Variants in EPPIN observed in about 807,000 individuals in gnomAD.
EPPIN encodes WAP four-disulfide core domain protein 7.
Under a neutral mutation model 18.8 loss-of-function variants are expected in EPPIN, and 14 were observed. The observed-to-expected ratio is 0.75, with a 90% CI of 0.49 to 1.17. EPPIN has a LOEUF of 1.17. EPPIN is among the 50% of genes most tolerant of loss of function. The pLI, the probability that EPPIN is intolerant of heterozygous loss-of-function variation, is 0.00. For missense variants in EPPIN, 143 were observed against 154.2 expected, an observed-to-expected ratio of 0.93 and a Z score of 0.39; for synonymous variants, 57 against 54.8, an observed-to-expected ratio of 1.04 and a Z score of -0.18.
Position 45,542,763 on chromosome 20 carries a change from A to C in EPPIN, c.328T>G (p.Cys110Gly). 1 of 1,614,028 alleles carries C rather than the reference A, an allele frequency of 6.2e-7. No individual in the cohort carries two copies. Among genetic ancestry groups the C allele is most frequent in the South Asian group, 1.1e-5 (1 of 91,074 alleles). The change falls in exon 3 of 4, where the codon TGC becomes GGC. Residue 110 changes from cysteine to glycine, a missense_variant. Cys to Gly is a radical substitution (Grantham distance 159). Coordinates refer to ENST00000354280, the MANE Select transcript of EPPIN (RefSeq NM_020398.4). ...TGGAAGTTGTTATTGTTTCCCTGGC[A>C]GCCACCATAGACAAACATGGAGCAA... ...NTCSMFVYGG[C>G]QGNNNNFQSK...
At chr20:45,546,870 C>G (rs1230757271) in intron 1 of EPPIN, among the ~76,000 whole-genome samples, 1 of 152,102 alleles carries the variant, frequency 6.6e-6, no homozygotes, top group Admixed American at 6.5e-5. Context: ...GATACAGGGA[C>G]ACTTTATGGG....
chr20:45,543,124 C>T (rs1229524565), intron 2 of EPPIN: 2 of 434,486 alleles, frequency 4.6e-6, no homozygotes, highest in African/African-American at 4.1e-5. Context: ...AGGGTGGGCC[C>T]CTATACCAAT....
At chr20:45,543,767 A>T (rs1174251189) in intron 2 of EPPIN, 1 of 152,520 alleles carries the variant, frequency 6.6e-6, no homozygotes, top group Non-Finnish European at 1.5e-5. Context: ...ATGACCCACA[A>T]GGCCCTTCAT....
chr20:45,541,665 T>C lies in EPPIN; in HGVS notation c.*479A>G, dbSNP rs556383784. On this transcript the variant is annotated 3_prime_UTR_variant, in exon 4 of 4. Transcript: ENST00000354280. Reference sequence around the variant, plus strand: ...CTTGGGCCCTTGCCTAAAAAGGGTTTTACAATCTTTTGTAGAAACAGAGGA... The same window carrying C: ...CTTGGGCCCTTGCCTAAAAAGGGTTCTACAATCTTTTGTAGAAACAGAGGA... The C allele has an allele frequency of 6.4e-6, 1 of 155,444 alleles. No individual in the cohort carries two copies. The highest frequency in any genetic ancestry group is 1.4e-5 in the Non-Finnish European group (1 of 69,910). The allele number at this position is 155,444 out of a possible 1,614,324, so 9.6% of individuals were successfully genotyped here. A position where few individuals can be genotyped will look rare whatever the true frequency, so the allele number is the denominator to read the frequency against.
Position 45,540,920 on chromosome 20 carries a change from A to G in EPPIN, c.*1224T>C, listed in dbSNP as rs2145547419. ...TGACCCAGCAATCCCATTACTGGGT[A>G]TACACTCAAAGGAATATAAATCATT... On this transcript the variant is annotated 3_prime_UTR_variant, in exon 4 of 4. Coordinates refer to ENST00000354280, the MANE Select transcript of EPPIN (RefSeq NM_020398.4). 6.6e-6 allele frequency: 1 copy of G among 152,352 alleles called. No individual in the cohort carries two copies. Among genetic ancestry groups the G allele is most frequent in the African/African-American group, 2.4e-5 (1 of 41,576 alleles). 9.4% of individuals were successfully genotyped at this position (152,352 alleles called of 1,614,324 possible). A position where few individuals can be genotyped will look rare whatever the true frequency, so the allele number is the denominator to read the frequency against.
intron 1 of EPPIN, among the ~76,000 whole-genome samples, chr20:45,546,873 T>A (rs1203210787): frequency 6.6e-6 from 1 of 152,138 alleles, no homozygotes; most frequent in Non-Finnish European, 1.5e-5. Context: ...ACAGGGACAC[T>A]TTATGGGACT....
At chr20:45,545,883 G>GC in intron 1 of EPPIN, 113 bp from the exon 2 acceptor site, 2 of 1,506,652 alleles carry the variant, frequency 1.3e-6, no homozygotes, top group South Asian at 2.6e-5. Context: ...CAGTTTGCTT[G>GC]CCCCCAGGAG....
In EPPIN at chr20:45,542,083, A is replaced by G. The variant is rs1979616624; in HGVS notation, c.*61T>C. On this transcript the variant is annotated 3_prime_UTR_variant, in exon 4 of 4. Transcript: ENST00000354280. ...CCAGTCTGGAGCATCCGTCAGGTACAGGAACAGTACTCAGAGCATGAGCCA... is the reference window on the plus strand; with the variant it reads ...CCAGTCTGGAGCATCCGTCAGGTACGGGAACAGTACTCAGAGCATGAGCCA... 3.7e-6 allele frequency: 6 copies of G among 1,606,628 alleles called. No homozygotes were observed. Among genetic ancestry groups the G allele is most frequent in the Admixed American group, 1.7e-5 (1 of 59,144 alleles).
At position 45,545,657 on chromosome 20, in the gene EPPIN, A is replaced by T. The variant is rs772872138; in HGVS notation, c.205T>A (p.Cys69Ser). ...KCCVFSCGKKCLDLKQDVCEM... is the reference protein window; with the variant it reads ...KCCVFSCGKKSLDLKQDVCEM... ...ATATTACCTTGTTTGAGATCTAAAC[A>T]TTTTTTTCCGCAGCTGAAGACACAA... is the stretch of plus-strand genomic sequence containing the variant. Residue 69 changes from cysteine to serine, a missense_variant, in exon 2 of 4, where the codon TGT becomes AGT. Cys to Ser is a moderately radical substitution (Grantham distance 112). Transcript: ENST00000354280. The T allele has an allele frequency of 1.2e-6, 2 of 1,613,878 alleles. No individual in the cohort carries two copies. The highest frequency in any genetic ancestry group is 2.2e-5 in the South Asian group (2 of 91,054).
At chr20:45,542,646 G>C (rs1003710659) in intron 3 of EPPIN, 54 bp downstream of exon 3, 5 of 1,579,288 alleles carry the variant, frequency 3.2e-6, no homozygotes, top group Admixed American at 3.7e-5. Flanking sequence ...CCAACACCCA[G>C]ACCTCCCGGC....
At chr20:45,546,276 T>G (rs1979831478) in intron 1 of EPPIN, 1 of 161,298 alleles carries the variant, frequency 6.2e-6, no homozygotes, top group Admixed American at 6.4e-5. Context: ...GGTGGTAGTA[T>G]TATACAGCAA....
In EPPIN at chr20:45,545,767, C is replaced by A. The variant is rs780515330; in HGVS notation, c.95G>T (p.Arg32Ile). 6 of 1,613,892 alleles carry A rather than the reference C, an allele frequency of 3.7e-6. No homozygotes were observed. In the African/African-American group the frequency reaches 4.0e-5, roughly 11 times the overall value. ...PGLTDWLFPRRCPKIREECEF... is the reference protein window; with the variant it reads ...PGLTDWLFPRICPKIREECEF... ...ACATTCTTCTCTGATTTTGGGACAT[C>A]TCCCTAGGGAAAGAGCGGTTTTACA... Residue 32 changes from arginine to isoleucine, a missense_variant, in exon 2 of 4, where the codon AGA becomes ATA. By Grantham distance (97) the Arg-to-Ile change is moderately conservative (BLOSUM62 -3). Coordinates refer to ENST00000354280, the MANE Select transcript of EPPIN (RefSeq NM_020398.4).
chr20:45,545,610 G>T (rs2231833), intron 2 of EPPIN, 29 bp downstream of exon 2: 26,659 of 1,613,534 alleles, frequency 0.017, 1,088 homozygotes, highest in Admixed American at 0.11. Flanking sequence ...GGGAGGAGGG[G>T]TTGGTTATTC....
chr20:45,545,945 C>G, intron 1 of EPPIN, 175 bp from the exon 2 acceptor site: 2 of 918,912 alleles, frequency 2.2e-6, no homozygotes, highest in Non-Finnish European at 3.2e-6. Flanking sequence ...ACACCCCCAC[C>G]ACTCCCCAGT....
At chr20:45,546,045 C>T in intron 1 of EPPIN, 4 of 491,660 alleles carry the variant, frequency 8.1e-6, no homozygotes, top group Non-Finnish European at 1.1e-5. Flanking sequence ...CTGGATAATT[C>T]TTTGTTTGGG....
In EPPIN at chr20:45,544,831, A is replaced by C. The variant is rs1979753241; in HGVS notation, c.223+808T>G. On this transcript the variant is annotated intron_variant, in intron 2 of 3. Transcript: ENST00000354280. ...TGGCCCACCATACCTGAATTGTTTG[A>C]TCTCTGCCCACCCAGAATCTGTTTT... 2.6e-5 allele frequency: 4 copies of C among 151,702 alleles called. 1 individual carries two copies. In the South Asian group the frequency reaches 8.4e-4, roughly 32 times the overall value. The allele number at this position is 151,702 out of a possible 1,614,324, so 9.4% of individuals were successfully genotyped here.
In EPPIN at chr20:45,541,093, AAG is replaced by A. The variant is rs1426087390; in HGVS notation, c.*1049_*1050del. On this transcript the variant is annotated 3_prime_UTR_variant, in exon 4 of 4. Coordinates refer to ENST00000354280, the MANE Select transcript of EPPIN (RefSeq NM_020398.4). ...CCATGGAATACTATGCAGCCATAAA[AAG>A]AAATGAGATCACGTCCTTTGCAGGG... The A allele has an allele frequency of 6.6e-6, 1 of 152,254 alleles. No homozygotes were observed. The highest frequency in any genetic ancestry group is 1.9e-4 in the East Asian group (1 of 5,202). 9.4% of individuals were successfully genotyped at this position (152,254 alleles called of 1,614,324 possible).
intron 2 of EPPIN, chr20:45,543,141 G>A (rs1979675102): frequency 5.5e-6 from 2 of 363,606 alleles, no homozygotes; most frequent in Non-Finnish European, 9.7e-6. Flanking sequence ...CAATATGACT[G>A]GTGTCCTTAT....
rs370174917 is a variant in EPPIN, at chr20:45,547,318, C to A, written c.40G>T (p.Val14Phe). Reference protein sequence around the residue: ...SGLLSLLVLFVLLANVQGPGL... With the variant: ...SGLLSLLVLFFLLANVQGPGL... ...GGTCCCTGGACATTCGCTAAGAGGACGAATAGCACCAGGAGGCTCAAAAGT... is the reference window on the plus strand; with the variant it reads ...GGTCCCTGGACATTCGCTAAGAGGAAGAATAGCACCAGGAGGCTCAAAAGT... The change falls in exon 1 of 4, where the codon GTC becomes TTC. Residue 14 changes from valine to phenylalanine, a missense_variant. Coordinates refer to ENST00000354280, the MANE Select transcript of EPPIN (RefSeq NM_020398.4). 2.4e-4 allele frequency: 386 copies of A among 1,613,896 alleles called. 4 individuals are homozygous for A. The South Asian group carries it at 4.1e-3, about 17-fold the overall frequency.
Sources: allele counts gnomAD v4.1 joint callset (sites outside exome capture counted in the v4.1 genomes callset), GRCh38; gene constraint gnomAD v4.1.1; transcripts MANE v1.5; gene names NCBI Gene and HGNC (gene_info 2026-07-23, HGNC 2026-07-21).